IGSF11: variants seen among roughly 807,000 people sequenced by gnomAD.
The protein encoded by IGSF11 is CXADR like 1.
IGSF11 carries 22 observed loss-of-function variants against 41.0 expected under a neutral mutation model. The observed-to-expected ratio is 0.54, with a 90% CI of 0.38 to 0.77. The LOEUF (loss-of-function observed/expected upper bound fraction) is 0.77. Ranked by LOEUF, IGSF11 falls within the 30% of genes least tolerant of loss-of-function variation. IGSF11 has a pLI of 0.00. For synonymous variants in IGSF11, 219 were observed against 201.3 expected, an observed-to-expected ratio of 1.09 and a Z score of -0.74; for missense variants, 444 against 530.8, an observed-to-expected ratio of 0.84 and a Z score of 1.61.
intron 1 of IGSF11, among the ~76,000 whole-genome samples, chr3:118,953,803 C>A (rs902957159): frequency 2.6e-5 from 4 of 152,054 alleles, no homozygotes; most frequent in African/African-American, 9.7e-5. Flanking sequence ...GGATATTAGT[C>A]CTTTGTCAGA....
At chr3:119,141,224 A>G (rs1338728343) in intron 1 of IGSF11, among the ~76,000 whole-genome samples, 1 of 151,858 alleles carries the variant, frequency 6.6e-6, no homozygotes, top group Non-Finnish European at 1.5e-5. Flanking sequence ...AGATAAATCC[A>G]AATGAAAACA....
intron 1 of IGSF11, among the ~76,000 whole-genome samples, chr3:119,018,417 C>G (rs1938962737): frequency 6.6e-6 from 1 of 152,118 alleles, no homozygotes; most frequent in Non-Finnish European, 1.5e-5. Context: ...TCTAGTTAGG[C>G]CCTAGAATGC....
At chr3:119,032,430 G>A (rs549017503) in intron 1 of IGSF11, among the ~76,000 whole-genome samples, 2 of 152,196 alleles carry the variant, frequency 1.3e-5, no homozygotes, top group South Asian at 4.2e-4. Context: ...CCTCTTCCCC[G>A]CCCCACAGTA....
chr3:118,997,526 GC>G (rs987360993), intron 1 of IGSF11, among the ~76,000 whole-genome samples: 23 of 145,402 alleles, frequency 1.6e-4, no homozygotes, highest in Non-Finnish European at 2.3e-4. Context: ...CACCTCTGCT[GC>G]CCCCCCCCAG....
chr3:118,979,188 T>C (rs1934448964), intron 1 of IGSF11, among the ~76,000 whole-genome samples: 1 of 152,090 alleles, frequency 6.6e-6, no homozygotes, highest in African/African-American at 2.4e-5. Flanking sequence ...GAAAGAATAT[T>C]AGAACGTGAA....
chr3:118,938,647 A>G (rs1039112677), intron 1 of IGSF11, among the ~76,000 whole-genome samples: 4 of 152,222 alleles, frequency 2.6e-5, no homozygotes, highest in African/African-American at 4.8e-5. Context: ...ATGAGTCACT[A>G]TGGTTTATGA....
chr3:119,106,954 A>G (rs1233629409), upstream of IGSF11, among the ~76,000 whole-genome samples: 3 of 152,186 alleles, frequency 2.0e-5, no homozygotes, highest in African/African-American at 4.8e-5. Flanking sequence ...TCTATGGTGT[A>G]TATGGTTCAC....
At chr3:119,098,863 GGCA>G (rs1253549633) in intron 1 of IGSF11, among the ~76,000 whole-genome samples, 2 of 152,080 alleles carry the variant, frequency 1.3e-5, no homozygotes, top group African/African-American at 2.4e-5. Context: ...TCAATTGGCT[GGCA>G]TATATTTTTT....
intron 4 of IGSF11, among the ~76,000 whole-genome samples, chr3:118,910,691 T>G (rs193099803): frequency 1.3e-5 from 2 of 152,316 alleles, no homozygotes; most frequent in Non-Finnish European, 2.9e-5. Context: ...GACTTCACCT[T>G]TTCCAGCTCC....
chr3:119,123,818 C>T (rs997316915), intron 1 of IGSF11, among the ~76,000 whole-genome samples: 1 of 152,184 alleles, frequency 6.6e-6, no homozygotes, highest in African/African-American at 2.4e-5. Flanking sequence ...AAGGTGCCCC[C>T]TAATGTAGAT....
intron 1 of IGSF11, among the ~76,000 whole-genome samples, chr3:118,987,052 T>C (rs1935327372): frequency 6.6e-6 from 1 of 152,176 alleles, no homozygotes; most frequent in African/African-American, 2.4e-5. Context: ...TTGCAACCTA[T>C]CTCACAAACA....
chr3:118,924,653 C>T (rs1942130251), intron 4 of IGSF11, among the ~76,000 whole-genome samples: 1 of 152,044 alleles, frequency 6.6e-6, no homozygotes, highest in Non-Finnish European at 1.5e-5. Context: ...GACTGATATA[C>T]ACTCATCCAG....
At chr3:119,079,731 A>G (rs955977746) in intron 1 of IGSF11, among the ~76,000 whole-genome samples, 2 of 152,250 alleles carry the variant, frequency 1.3e-5, no homozygotes, top group African/African-American at 4.8e-5. Context: ...TGTCCTTTGC[A>G]GCAATATGGA....
chr3:118,975,701 TATC>T (rs931895309), intron 1 of IGSF11, among the ~76,000 whole-genome samples: 45 of 152,166 alleles, frequency 3.0e-4, no homozygotes, highest in Admixed American at 4.6e-4. Flanking sequence ...AAAAGAATGA[TATC>T]ATGTCCTTTG....
Position 118,928,680 on chromosome 3 carries a change from C to T in IGSF11, c.253G>A (p.Ala85Thr). ...LYQGGQMFDGAPRFHGRVGFT... is the reference protein window; with the variant it reads ...LYQGGQMFDGTPRFHGRVGFT... ...CCTACCCTACCGTGGAACCGGGGGG[C>T]ACCATCAAACATCTGTCCACCCTGA... Residue 85 changes from alanine (A) to threonine (T), a missense_variant, in exon 3 of 7, where the codon GCC becomes ACC. Ala to Thr is a moderately conservative substitution (Grantham distance 58). Around this residue, in one of 3 missense-constraint regions of IGSF11, gnomAD observed 193 missense variants for 283.5 expected, o/e 0.68. Transcript: ENST00000393775. 6.2e-7 allele frequency: 1 copy of T among 1,613,926 alleles called. No individual in the cohort carries two copies. The highest frequency in any genetic ancestry group is 2.2e-5 in the East Asian group (1 of 44,864).
At chr3:119,017,155 G>A (rs78535437) in intron 1 of IGSF11, among the ~76,000 whole-genome samples, 3,884 of 151,924 alleles carry the variant, frequency 0.026, 138 homozygotes, top group African/African-American at 0.088. Flanking sequence ...AAGAGTAAGC[G>A]AAATTGGAAG....
intron 1 of IGSF11, among the ~76,000 whole-genome samples, chr3:118,993,975 ACAAT>A (rs1044058391): frequency 5.9e-5 from 9 of 152,214 alleles, no homozygotes; most frequent in African/African-American, 2.2e-4. Context: ...CATACTGCAA[ACAAT>A]CAAATTGTAC....
chr3:118,901,798 T>G lies in IGSF11; in HGVS notation c.*722A>C, dbSNP rs573083815. On this transcript the variant is annotated 3_prime_UTR_variant, in exon 7 of 7. Coordinates refer to ENST00000393775, the MANE Select transcript of IGSF11 (RefSeq NM_001015887.3). ...AAAAAAATATTTTTCCAGGAAAAAA[T>G]AAACAGTAATTGCCATGGACCTGTA... 2 of 143,884 alleles carry G rather than the reference T, an allele frequency of 1.4e-5. No homozygotes were observed. The highest frequency in any genetic ancestry group is 4.4e-4 in the South Asian group (2 of 4,532). The allele number at this position is 143,884 out of a possible 1,614,324, so 8.9% of individuals were successfully genotyped here.
chr3:118,948,499 G>C (rs1944328655), intron 1 of IGSF11: 1 of 152,152 alleles, frequency 6.6e-6, no homozygotes, highest in African/African-American at 2.4e-5. Context: ...AAGTTAAGTG[G>C]GGAAAAGGTC....
Sources: gnomAD v4.1 joint callset for allele counts (sites outside exome capture counted in the v4.1 genomes callset) on GRCh38, gnomAD v4.1.1 for gene constraint, gnomAD v4.1.1 regional missense constraint, MANE v1.5 for transcripts, NCBI Gene and HGNC (gene_info 2026-07-23, HGNC 2026-07-21) for gene names.